Variants in DTD1 observed in about 807,000 individuals in gnomAD.
DTD1 encodes D-aminoacyl-tRNA deacylase 1.
DTD1 carries 13 observed loss-of-function variants against 25.6 expected under a neutral mutation model. The observed-to-expected ratio is 0.51, with a 90% confidence interval of 0.33 to 0.81. The LOEUF (loss-of-function observed/expected upper bound fraction) is 0.81, where lower values mean the gene tolerates loss of function less well. DTD1 is among the 30% of genes least tolerant of loss of function. The pLI, the probability that DTD1 is intolerant of heterozygous loss-of-function variation, is 0.02. For missense variants in DTD1, 193 were observed against 266.4 expected, an observed-to-expected ratio of 0.72 and a Z score of 1.92; for synonymous variants, 110 against 103.6, an observed-to-expected ratio of 1.06 and a Z score of -0.37.
chr20:18,619,376 T>G (rs1389232536), intron 3 of DTD1, among the ~76,000 whole-genome samples: 1 of 152,208 alleles, frequency 6.6e-6, no homozygotes, highest in Non-Finnish European at 1.5e-5. Context: ...CATTTTCTAC[T>G]CCAAAATTAC....
chr20:18,683,506 T>C (rs1200569988), intron 4 of DTD1, among the ~76,000 whole-genome samples: 1 of 152,166 alleles, frequency 6.6e-6, no homozygotes, highest in Admixed American at 6.5e-5. Flanking sequence ...TACCACTATG[T>C]TTAGAAATGT....
intron 3 of DTD1, among the ~76,000 whole-genome samples, chr20:18,608,834 G>A (rs895682358): frequency 1.3e-5 from 2 of 152,142 alleles, no homozygotes; most frequent in African/African-American, 2.4e-5. Context: ...AATGGTCCTG[G>A]TTTTCAGGAG....
At chr20:18,659,887 G>A (rs960881913) in intron 4 of DTD1, among the ~76,000 whole-genome samples, 3 of 151,702 alleles carry the variant, frequency 2.0e-5, no homozygotes, top group Non-Finnish European at 4.4e-5. Flanking sequence ...AAACCTGCAC[G>A]TTCAGCACAT....
At chr20:18,721,101 C>T (rs546698131) in intron 4 of DTD1, among the ~76,000 whole-genome samples, 35 of 152,268 alleles carry the variant, frequency 2.3e-4, no homozygotes, top group African/African-American at 7.2e-4. Context: ...ACTGCACTGT[C>T]GAGTACTTTA....
chr20:18,714,019 T>G (rs1365982235), intron 4 of DTD1, among the ~76,000 whole-genome samples: 1 of 152,146 alleles, frequency 6.6e-6, no homozygotes, highest in African/African-American at 2.4e-5. Flanking sequence ...CCTGGAGATG[T>G]GACCTGGAAG....
chr20:18,756,058 A>G (rs1172354327), intron 5 of DTD1, among the ~76,000 whole-genome samples: 1 of 151,732 alleles, frequency 6.6e-6, no homozygotes, highest in East Asian at 1.9e-4. Context: ...TTTTGGCTGC[A>G]TAAATGTCTT....
intron 4 of DTD1, among the ~76,000 whole-genome samples, chr20:18,711,586 A>C (rs1445570877): frequency 6.6e-6 from 1 of 152,080 alleles, no homozygotes; most frequent in Non-Finnish European, 1.5e-5. Context: ...CTGGGACAGA[A>C]GCAGAAGTGT....
intron 4 of DTD1, among the ~76,000 whole-genome samples, chr20:18,637,929 A>G (rs1159148348): frequency 1.3e-5 from 2 of 152,072 alleles, no homozygotes; most frequent in African/African-American, 2.4e-5. Context: ...CCCTGTCTCT[A>G]CCTGCTGACA....
chr20:18,594,214 CAGAG>C (rs2060601267), intron 2 of DTD1, among the ~76,000 whole-genome samples: 1 of 152,132 alleles, frequency 6.6e-6, no homozygotes, highest in Non-Finnish European at 1.5e-5. Flanking sequence ...ATCTAGAACT[CAGAG>C]AGGTTAAATT....
At chr20:18,612,341 G>A (rs939188844) in intron 3 of DTD1, among the ~76,000 whole-genome samples, 2 of 152,068 alleles carry the variant, frequency 1.3e-5, no homozygotes, top group African/African-American at 4.8e-5. Context: ...GCCCACACAT[G>A]TTTATTATTA....
At chr20:18,651,408 C>T (rs1359055982) in intron 4 of DTD1, among the ~76,000 whole-genome samples, 1 of 152,248 alleles carries the variant, frequency 6.6e-6, no homozygotes, top group African/African-American at 2.4e-5. Context: ...GTCTCCGCCT[C>T]CCAAAGTGCT....
At chr20:18,653,927 A>T (rs1025723951) in intron 4 of DTD1, among the ~76,000 whole-genome samples, 9 of 152,364 alleles carry the variant, frequency 5.9e-5, no homozygotes, top group Admixed American at 5.2e-4. Flanking sequence ...GGATGGCCTC[A>T]AATGACTTGT....
At position 18,727,209 on chromosome 20, in the gene DTD1, T is replaced by C. The variant is rs2061225510; in HGVS notation, c.478-16891T>C. Reference sequence around the variant, plus strand: ...TTGGAGCTGCATGACAGAATGTGGATTCCCCCACGGCTCCCGGGGGTGAGG... The same window carrying C: ...TTGGAGCTGCATGACAGAATGTGGACTCCCCCACGGCTCCCGGGGGTGAGG... On this transcript the variant is annotated intron_variant, in intron 4 of 5. Transcript: ENST00000377452. 2.0e-5 allele frequency among the ~76,000 whole-genome samples: 3 copies of C among 152,184 alleles called. No homozygotes were observed. In the South Asian group the frequency reaches 6.2e-4, roughly 31 times the overall value.
At chr20:18,601,621 C>T (rs1164693296) in intron 3 of DTD1, among the ~76,000 whole-genome samples, 3 of 151,850 alleles carry the variant, frequency 2.0e-5, no homozygotes, top group Non-Finnish European at 2.9e-5. Context: ...TGACCCCTGA[C>T]CCCCGAGCAG....
At chr20:18,753,524 C>T (rs2061328444) in intron 5 of DTD1, among the ~76,000 whole-genome samples, 1 of 140,256 alleles carries the variant, frequency 7.1e-6, no homozygotes. Flanking sequence ...AGGAGAATCG[C>T]TTGAACCAAG....
At chr20:18,712,431 A>G (rs1190328514) in intron 4 of DTD1, among the ~76,000 whole-genome samples, 12 of 151,418 alleles carry the variant, frequency 7.9e-5, no homozygotes, top group Non-Finnish European at 1.5e-5. Context: ...TGAAGTAGTG[A>G]CTCTAATCCC....
At position 18,765,250 on chromosome 20, in the gene DTD1, T is replaced by C. The variant is rs886618176; in HGVS notation, c.*1910T>C. 6.6e-6 allele frequency: 1 copy of C among 152,240 alleles called. No homozygotes were observed. The highest frequency in any genetic ancestry group is 1.5e-5 in the Non-Finnish European group (1 of 68,060). The allele number at this position is 152,240 out of a possible 1,614,324, so 9.4% of individuals were successfully genotyped here. ...TGTTTGAAAGATGTGGAAGAGAAGC[T>C]GGGTCAGGAACAAAAATAGGAGCAA... is the stretch of plus-strand genomic sequence containing the variant. On this transcript the variant is annotated 3_prime_UTR_variant, in exon 6 of 6. Coordinates refer to ENST00000377452, the MANE Select transcript of DTD1 (RefSeq NM_080820.6).
intron 4 of DTD1, among the ~76,000 whole-genome samples, chr20:18,648,455 G>C (rs956699035): frequency 1.3e-4 from 20 of 152,326 alleles, no homozygotes; most frequent in African/African-American, 4.6e-4. Context: ...AGAGTGCCCA[G>C]TGCCTTGCTT....
rs76643126 is a variant in DTD1 at position 18,721,786 on chromosome 20, G to A, written c.478-22314G>A. 8.7e-3 allele frequency among the ~76,000 whole-genome samples: 1,330 copies of A among 152,284 alleles called. 14 individuals carry two copies. Among genetic ancestry groups the A allele is most frequent in the South Asian group, 0.035 (168 of 4,814 alleles). On this transcript the variant is annotated intron_variant, in intron 4 of 5. Transcript: ENST00000377452. ...GATATGTTCTACAGACTGTGAAGGT[G>A]TTTTGGAGTGGTTGTGGAGACACAG...
Sources: gnomAD v4.1 joint callset for allele counts (sites outside exome capture counted in the v4.1 genomes callset) on GRCh38, gnomAD v4.1.1 for gene constraint, MANE v1.5 for transcripts, NCBI Gene and HGNC (gene_info 2026-07-23, HGNC 2026-07-21) for gene names.